The following IPP variants were observed in gnomAD, a reference collection of about 807,000 sequenced individuals.
The protein encoded by IPP is actin-binding protein IPP.
A neutral mutation model predicts 64.1 loss-of-function variants in IPP; 41 were observed. The observed-to-expected ratio is 0.64, with a 90% confidence interval of 0.50 to 0.83. The LOEUF is 0.83. IPP is among the 40% of genes least tolerant of loss of function. The pLI, the probability that IPP is intolerant of heterozygous loss-of-function variation, is 0.00. For missense variants in IPP, 649 were observed against 703.0 expected, an observed-to-expected ratio of 0.92 and a Z score of 0.87; for synonymous variants, 214 against 235.2, an observed-to-expected ratio of 0.91 and a Z score of 0.83.
chr1:45,746,232 A>T lies in IPP; in HGVS notation c.180T>A (p.Pro60=). 6.2e-7 allele frequency: 1 copy of T among 1,614,184 alleles called. No individual in the cohort carries two copies. The highest frequency in any genetic ancestry group is 1.1e-5 in the South Asian group (1 of 91,086). The part of the protein sequence containing the change: ...AHRLVLAASS[P]YFAALFTGGM... ...CTCCAGTGAACAAAGCTGCAAAGTA[A>T]GGACTGCTGGCAGCCAAAACCAGCC... The change falls in exon 2 of 9, where the codon CCT becomes CCA. Residue 60 remains proline, a synonymous_variant. Coordinates refer to ENST00000396478, the MANE Select transcript of IPP (RefSeq NM_005897.3).
chr1:45,697,454 G>C (rs1645396538), downstream of IPP: 1 of 151,916 alleles, frequency 6.6e-6, no homozygotes, highest in South Asian at 2.1e-4. Flanking sequence ...GTTTCACCAT[G>C]TTGGCAAGAC....
chr1:45,727,701 C>T lies in IPP; in HGVS notation c.978G>A (p.Val326=). The change falls in exon 5 of 9, where the codon GTG becomes GTA. Residue 326 remains valine, a synonymous_variant. Coordinates refer to ENST00000396478, the MANE Select transcript of IPP (RefSeq NM_005897.3). The part of the protein sequence containing the change: ...FDTFSQYWTT[V]SSLHQARSGL... ...CACTTCGAGCCTGATGAAGTGAAGA[C>T]ACAGTGGTCCAGTACTGGCTAAAGG... 2 of 1,599,416 alleles carry T rather than the reference C, an allele frequency of 1.3e-6. No individual in the cohort carries two copies. The highest frequency in any genetic ancestry group is 1.7e-6 in the Non-Finnish European group (2 of 1,169,250).
rs770437033 is a variant in IPP at position 45,700,173 on chromosome 1, A to C, written c.1548T>G (p.Val516=). ...CTGCTCTAGGCACTTTCATTGAGGC[A>C]ACTTCAACCCACTTTTCCTGGTTAA... is the stretch of plus-strand genomic sequence containing the variant. ...YSFEEEKWVE[V]ASMKVPRAGM... The change falls in exon 9 of 9, where the codon GTT becomes GTG. Residue 516 remains valine, a synonymous_variant. Coordinates refer to ENST00000396478, the MANE Select transcript of IPP (RefSeq NM_005897.3). The C allele has an allele frequency of 2.5e-6, 4 of 1,613,098 alleles. No homozygotes were observed. Among genetic ancestry groups the C allele is most frequent in the Non-Finnish European group, 3.4e-6 (4 of 1,179,732 alleles).
rs1645430934 is a variant in IPP, at chr1:45,700,041, G to C, written c.1680C>G (p.Asn560Lys). Reference sequence around the variant, plus strand: ...TTTCTGTCCATGTATCTGAATGAGGGTTATAAACTTCAACTGAGTCCAAGG... The same window carrying C: ...TTTCTGTCCATGTATCTGAATGAGGCTTATAAACTTCAACTGAGTCCAAGG... ...PGTLDSVEVY[N>K]PHSDTWTEIG... The change falls in exon 9 of 9, where the codon AAC becomes AAG. Residue 560 changes from asparagine (N) to lysine (K), a missense_variant. Coordinates refer to ENST00000396478, the MANE Select transcript of IPP (RefSeq NM_005897.3). 1.9e-6 allele frequency: 3 copies of C among 1,614,060 alleles called. No homozygotes were observed. The East Asian group carries it at 6.7e-5, about 36-fold the overall frequency.
At chr1:45,750,475 G>C (rs1191627778) in intron 1 of IPP, 122 bp downstream of exon 1, 1 of 152,790 alleles carries the variant, frequency 6.5e-6, no homozygotes, top group African/African-American at 2.4e-5. Context: ...GGAAAGACAA[G>C]GAAATACACA....
intron 3 of IPP, among the ~76,000 whole-genome samples, chr1:45,730,673 CTCCCTG>C (rs1466574720): frequency 7.3e-4 from 100 of 136,888 alleles, no homozygotes; most frequent in African/African-American, 3.5e-3. Context: ...AAGACCTGTT[CTCCCTG>C]AAAGGGCACT....
intron 2 of IPP, among the ~76,000 whole-genome samples, chr1:45,742,042 A>C (rs1192168274): frequency 6.6e-6 from 1 of 152,226 alleles, no homozygotes; most frequent in East Asian, 1.9e-4. Context: ...TTGCCATAAA[A>C]AAGAAGGAAA....
rs1346775605 is a variant in IPP, at chr1:45,714,608, A to T, written c.1310-142T>A. 3.9e-5 allele frequency: 24 copies of T among 623,338 alleles called. No individual in the cohort carries two copies. The South Asian group carries it at 4.8e-4, about 13-fold the overall frequency. 38.6% of individuals were successfully genotyped at this position (623,338 alleles called of 1,614,324 possible). ...CATTATTATTTAAGAGAGAAAATCA[A>T]CTTTGTCAACTTTATCACCTCACTA... is the stretch of plus-strand genomic sequence containing the variant. On this transcript the variant is annotated intron_variant, in intron 7 of 8. Coordinates refer to ENST00000396478, the MANE Select transcript of IPP (RefSeq NM_005897.3).
intron 5 of IPP, among the ~76,000 whole-genome samples, chr1:45,724,315 G>C (rs1645776028): frequency 6.6e-6 from 1 of 150,854 alleles, no homozygotes; most frequent in Non-Finnish European, 1.5e-5. Flanking sequence ...GTGCAGTGGC[G>C]TGATCTCGGC....
At chr1:45,749,799 C>G (rs908939059) in intron 1 of IPP, among the ~76,000 whole-genome samples, 1 of 152,202 alleles carries the variant, frequency 6.6e-6, no homozygotes, top group East Asian at 1.9e-4. Flanking sequence ...GGATTACAGG[C>G]GTGAGCCACC....
At chr1:45,733,889 CAT>C (rs1369349037) in intron 3 of IPP, among the ~76,000 whole-genome samples, 3 of 149,446 alleles carry the variant, frequency 2.0e-5, no homozygotes, top group South Asian at 2.1e-4. Flanking sequence ...AAAAGCAACA[CAT>C]AGAAATTCTC....
chr1:45,709,486 T>C (rs949200477), intron 8 of IPP, among the ~76,000 whole-genome samples: 26 of 136,520 alleles, frequency 1.9e-4, no homozygotes, highest in African/African-American at 6.7e-4. Context: ...TGATGTGAGA[T>C]AGAAATGCAA....
At chr1:45,708,009 G>GA (rs964746720) in intron 8 of IPP, among the ~76,000 whole-genome samples, 1 of 150,310 alleles carries the variant, frequency 6.7e-6, no homozygotes, top group South Asian at 2.1e-4. Context: ...CTACTTGTCA[G>GA]AAAAAAATCT....
At chr1:45,741,628 T>TAAGTCACTTGTCCACAAGTTGCATGG (rs1307150264) in intron 2 of IPP, among the ~76,000 whole-genome samples, 17 of 96,450 alleles carry the variant, frequency 1.8e-4, no homozygotes, top group Middle Eastern at 5.2e-3. Context: ...ATTTTCTTTT[T>TAAGTCACTTGTCCACAAGTTGCATGG]TTTTTTTTTT....
At chr1:45,744,467 T>G (rs1646108122) in intron 2 of IPP, among the ~76,000 whole-genome samples, 1 of 152,084 alleles carries the variant, frequency 6.6e-6, no homozygotes, top group Admixed American at 6.6e-5. Flanking sequence ...CACTGCAGCC[T>G]CAAACTCCTG....
rs1299172203 is a variant in IPP, at chr1:45,746,457, C to G, written c.-46G>C. 6.7e-7 allele frequency: 1 copy of G among 1,483,928 alleles called. No individual in the cohort carries two copies. Among genetic ancestry groups the G allele is most frequent in the Non-Finnish European group, 9.2e-7 (1 of 1,086,080 alleles). The allele number at this position is 1,483,928 out of a possible 1,614,324, so 91.9% of individuals were successfully genotyped here. A position where few individuals can be genotyped will look rare whatever the true frequency, so the allele number is the denominator to read the frequency against. ...AAGGACTGTTGCCCATAATCTGTTA[C>G]TACCCTGAAAAACAAAATACAAAGA... On this transcript the variant is annotated 5_prime_UTR_variant, in exon 2 of 9. Coordinates refer to ENST00000396478, the MANE Select transcript of IPP (RefSeq NM_005897.3).
chr1:45,725,976 A>G (rs1557750903), intron 5 of IPP, among the ~76,000 whole-genome samples: 1 of 141,762 alleles, frequency 7.1e-6, no homozygotes, highest in Non-Finnish European at 1.5e-5. Context: ...TCCTCTGCCT[A>G]GGAAAACCAG....
intron 3 of IPP, 136 bp downstream of exon 3, chr1:45,740,765 A>T (rs983117007): frequency 1.1e-5 from 6 of 567,190 alleles, no homozygotes; most frequent in South Asian, 2.8e-5. Flanking sequence ...AATACATTTT[A>T]AAAAAAGAAA....
intron 8 of IPP, among the ~76,000 whole-genome samples, chr1:45,712,704 C>T (rs1480357576): frequency 6.6e-6 from 1 of 151,338 alleles, no homozygotes; most frequent in Non-Finnish European, 1.5e-5. Context: ...AAAAATACAA[C>T]AAAAATTAGC....
Sources: gnomAD v4.1 joint callset for allele counts (sites outside exome capture counted in the v4.1 genomes callset) on GRCh38, gnomAD v4.1.1 for gene constraint, MANE v1.5 for transcripts, NCBI Gene and HGNC (gene_info 2026-07-23, HGNC 2026-07-21) for gene names.